Variants in ANKS1A observed in about 807,000 individuals in gnomAD.
The protein encoded by ANKS1A is ankyrin repeat and SAM domain-containing protein 1A.
ANKS1A carries 55 observed loss-of-function variants against 120.3 expected under a neutral mutation model. The observed-to-expected ratio is 0.46, with a 90% CI of 0.37 to 0.57. The LOEUF (loss-of-function observed/expected upper bound fraction) is 0.57. Among genes scored for constraint, ANKS1A ranks in the 20% least tolerant of loss-of-function variants. ANKS1A has a pLI of 0.00. For missense variants in ANKS1A, 1,123 were observed against 1,480.3 expected, an observed-to-expected ratio of 0.76 and a Z score of 3.96; for synonymous variants, 590 against 604.7, an observed-to-expected ratio of 0.98 and a Z score of 0.36.
chr6:35,068,469 A>C (rs1054869877), intron 13 of ANKS1A, among the ~76,000 whole-genome samples: 3 of 152,288 alleles, frequency 2.0e-5, no homozygotes, highest in Non-Finnish European at 4.4e-5. Flanking sequence ...GGCAGGCCCC[A>C]AAACTCAATC....
At chr6:34,904,602 C>T (rs1201399723) in intron 1 of ANKS1A, among the ~76,000 whole-genome samples, 1 of 152,052 alleles carries the variant, frequency 6.6e-6, no homozygotes, top group African/African-American at 2.4e-5. Flanking sequence ...TGTGGTGGCG[C>T]ACGCCTGCAG....
chr6:34,990,992 A>G (rs1017740723), intron 9 of ANKS1A, among the ~76,000 whole-genome samples: 11 of 152,092 alleles, frequency 7.2e-5, no homozygotes, highest in African/African-American at 2.4e-4. Context: ...AAAGTGTACT[A>G]TTATGTATAT....
At chr6:34,973,897 CCCTTCCCCTTCCCCTT>C (rs1771326284) in intron 3 of ANKS1A, among the ~76,000 whole-genome samples, 1 of 52,706 alleles carries the variant, frequency 1.9e-5, no homozygotes, top group African/African-American at 7.6e-5. Context: ...ACTTCCCCTT[CCCTTCCCCTTCCCCTT>C]CCCTTCCCCT....
At chr6:34,930,865 A>G (rs1234502172) in intron 1 of ANKS1A, among the ~76,000 whole-genome samples, 2 of 150,148 alleles carry the variant, frequency 1.3e-5, no homozygotes, top group African/African-American at 2.4e-5. Flanking sequence ...TTTTATGCTT[A>G]TCTCACATAA....
At chr6:35,039,867 T>C (rs890750833) in intron 11 of ANKS1A, among the ~76,000 whole-genome samples, 18 of 152,318 alleles carry the variant, frequency 1.2e-4, no homozygotes, top group African/African-American at 4.1e-4. Flanking sequence ...TTCTCATAGT[T>C]CTAGAGGCTG....
Position 35,088,899 on chromosome 6 carries a change from T to C in ANKS1A, c.*290T>C, listed in dbSNP as rs1170241260. 2 of 1,399,004 alleles carry C rather than the reference T, an allele frequency of 1.4e-6. No individual in the cohort carries two copies. Among genetic ancestry groups the C allele is most frequent in the South Asian group, 1.6e-5 (1 of 63,482 alleles). 86.7% of individuals were successfully genotyped at this position (1,399,004 alleles called of 1,614,324 possible). The stretch of plus-strand genomic sequence containing the variant: ...ATTGTTTTTAACAGAAAAAAAATCT[T>C]TTTATAAAATGAACTTTTAACACTT... On this transcript the variant is annotated 3_prime_UTR_variant, in exon 24 of 24. Transcript: ENST00000360359.
chr6:34,976,136 C>CAAAAAAATA (rs1771565415), intron 3 of ANKS1A, among the ~76,000 whole-genome samples: 1 of 87,592 alleles, frequency 1.1e-5, no homozygotes, highest in East Asian at 3.2e-4. Context: ...GACTCCATCT[C>CAAAAAAATA]AAAAAAAAAA....
At chr6:35,015,766 A>G (rs987876208) in intron 10 of ANKS1A, among the ~76,000 whole-genome samples, 2 of 152,230 alleles carry the variant, frequency 1.3e-5, no homozygotes, top group African/African-American at 4.8e-5. Flanking sequence ...CATTTCTTAA[A>G]GGCTGTTTTG....
chr6:34,929,677 G>T (rs1244216941), intron 1 of ANKS1A, among the ~76,000 whole-genome samples: 1 of 151,972 alleles, frequency 6.6e-6, no homozygotes, highest in Non-Finnish European at 1.5e-5. Context: ...AAATTATGAA[G>T]ATTCATAATC....
At chr6:35,095,751 G>A (rs894427052), downstream of ANKS1A, among the ~76,000 whole-genome samples, 1 of 150,986 alleles carries the variant, frequency 6.6e-6, no homozygotes, top group East Asian at 1.9e-4. Flanking sequence ...CTAGAACCTA[G>A]CACAAAGACC....
chr6:35,089,309 T>A lies in ANKS1A; in HGVS notation c.*700T>A, dbSNP rs958072675. On this transcript the variant is annotated 3_prime_UTR_variant, in exon 24 of 24. Coordinates refer to ENST00000360359, the MANE Select transcript of ANKS1A (RefSeq NM_015245.3). ...CCGATGGGAAGGTTCAGTGGCCAAA[T>A]GAAGATAAGTGTGCAGTTTCTAGTG... 1 of 987,536 alleles carries A rather than the reference T, an allele frequency of 1.0e-6. No individual in the cohort carries two copies. The highest frequency in any genetic ancestry group is 1.7e-5 in the African/African-American group (1 of 57,222). 61.2% of individuals were successfully genotyped at this position (987,536 alleles called of 1,614,324 possible).
intron 1 of ANKS1A, among the ~76,000 whole-genome samples, chr6:34,912,462 C>CA (rs1767952187): frequency 6.6e-6 from 1 of 152,192 alleles, no homozygotes; most frequent in Non-Finnish European, 1.5e-5. Flanking sequence ...GTAGGGTCTT[C>CA]AGGGAGTAGG....
intron 13 of ANKS1A, among the ~76,000 whole-genome samples, chr6:35,073,292 C>T (rs937877186): frequency 5.3e-5 from 8 of 152,220 alleles, no homozygotes; most frequent in Non-Finnish European, 1.0e-4. Context: ...CTTGCTGTCC[C>T]CTTCCCTTGA....
At chr6:34,925,900 A>G (rs997850241) in intron 1 of ANKS1A, among the ~76,000 whole-genome samples, 1 of 152,204 alleles carries the variant, frequency 6.6e-6, no homozygotes, top group South Asian at 2.1e-4. Flanking sequence ...CATACAGCAT[A>G]CAAAGGCAGC....
At chr6:34,953,848 ACT>A (rs1024461123) in intron 1 of ANKS1A, among the ~76,000 whole-genome samples, 3 of 151,926 alleles carry the variant, frequency 2.0e-5, no homozygotes, top group African/African-American at 7.3e-5. Context: ...ACGCTGAATG[ACT>A]CACCCTTAGA....
rs1407567575 is a variant in ANKS1A, at chr6:35,057,026, C to T, written c.2077+2861C>T. Among the ~76,000 whole-genome samples the T allele has an allele frequency of 2.6e-5, 4 of 152,058 alleles. No homozygotes were observed. The highest frequency in any genetic ancestry group is 5.9e-5 in the Non-Finnish European group (4 of 68,008). On this transcript the variant is annotated intron_variant, in intron 12 of 23. Transcript: ENST00000360359. This position sits in a 1 kb window ranked among gnomAD's most constrained non-coding sequence, Gnocchi z 4.1. The stretch of plus-strand genomic sequence containing the variant: ...CAGGATCAGGGAGAAAAGATCTGGG[C>T]TCTGGGGTTAGTCTGGGTAGAGGAG...
intron 10 of ANKS1A, among the ~76,000 whole-genome samples, chr6:34,996,868 A>C (rs971076971): frequency 6.6e-6 from 1 of 152,194 alleles, no homozygotes; most frequent in Non-Finnish European, 1.5e-5. Flanking sequence ...ATATGGTGTG[A>C]GGTATGGATC....
At chr6:34,990,156 A>G (rs1025642738) in intron 9 of ANKS1A, among the ~76,000 whole-genome samples, 7 of 152,200 alleles carry the variant, frequency 4.6e-5, no homozygotes, top group Admixed American at 1.3e-4. Context: ...CAGTATTGCC[A>G]CGGACCATGG....
In ANKS1A at chr6:35,082,786, C is replaced by T. The variant is rs748150286; in HGVS notation, c.2805C>T (p.Leu935=). Residue 935 remains leucine, a synonymous_variant, in exon 18 of 24, where the codon CTC becomes CTT. Coordinates refer to ENST00000360359, the MANE Select transcript of ANKS1A (RefSeq NM_015245.3). This position sits in a 1 kb window ranked among gnomAD's most constrained non-coding sequence, Gnocchi z 4.1. ...VQSWQHQPEK[L]IFESCGYEAN... ...GTTGGCAACACCAGCCAGAGAAACT[C>T]ATCTTCGAGTCCTGTGGTTATGAAG... is the stretch of plus-strand genomic sequence containing the variant. 3 of 1,614,022 alleles carry T rather than the reference C, an allele frequency of 1.9e-6. No individual in the cohort carries two copies. The highest frequency in any genetic ancestry group is 2.5e-6 in the Non-Finnish European group (3 of 1,179,944).
Sources: gnomAD v4.1 joint callset for allele counts (sites outside exome capture counted in the v4.1 genomes callset) on GRCh38, gnomAD v4.1.1 for gene constraint, Gnocchi (gnomAD v3.1) non-coding constraint, MANE v1.5 for transcripts, NCBI Gene and HGNC (gene_info 2026-07-23, HGNC 2026-07-21) for gene names.